The following TAF12 variants were observed in gnomAD, a reference collection of about 807,000 sequenced individuals.
TAF12 encodes TATA-box binding protein associated factor 12.
A neutral mutation model predicts 20.8 loss-of-function variants in TAF12; 3 were observed. The ratio of observed to expected loss-of-function variants is 0.14; its 90% CI spans 0.07 to 0.37. TAF12 has a LOEUF of 0.37. TAF12 is among the 10% of genes least tolerant of loss of function. The pLI is 1.00. For missense variants in TAF12, 131 were observed against 197.9 expected (o/e 0.66, Z 2.03); for synonymous variants, 69 against 70.2 (o/e 0.98, Z 0.09).
At chr1:28,624,058 C>T in intron 1 of TAF12, 1 of 974,816 alleles carries the variant, frequency 1.0e-6, no homozygotes, top group Non-Finnish European at 1.2e-6. Flanking sequence ...GCATCAAGCA[C>T]CATCCTTGCC....
chr1:28,628,688 TGAG>T (rs927436446), intron 1 of TAF12, among the ~76,000 whole-genome samples: 7 of 149,950 alleles, frequency 4.7e-5, no homozygotes, highest in Non-Finnish European at 8.9e-5. Flanking sequence ...AAAAAAAAAA[TGAG>T]GAGGCTCACG....
intron 1 of TAF12, among the ~76,000 whole-genome samples, chr1:28,623,312 A>G (rs1299169440): frequency 2.0e-5 from 3 of 152,076 alleles, no homozygotes; most frequent in Non-Finnish European, 4.4e-5. Context: ...ACCTGAGGTC[A>G]GGAGTTTGAG....
In TAF12 at chr1:28,606,291, C is replaced by CT. The variant is rs543976145; in HGVS notation, c.362-832dup. ...GGATTACAGGCGTGAGACATCGCAC[C>CT]TGGCCTCAGCTAATTTTTTGTATTT... On this transcript the variant is annotated intron_variant, in intron 4 of 5. Coordinates refer to ENST00000373824, the MANE Select transcript of TAF12 (RefSeq NM_005644.4). Among the ~76,000 whole-genome samples the CT allele has an allele frequency of 3.7e-3, 557 of 152,252 alleles. 6 individuals carry two copies. Among genetic ancestry groups the CT allele is most frequent in the African/African-American group, 0.013 (533 of 41,546 alleles).
At chr1:28,608,950 A>G (rs558674274) in intron 4 of TAF12, among the ~76,000 whole-genome samples, 1 of 152,266 alleles carries the variant, frequency 6.6e-6, no homozygotes, top group East Asian at 1.9e-4. Flanking sequence ...TCAAAAATAA[A>G]TAAAGAAAGA....
upstream of TAF12, among the ~76,000 whole-genome samples, chr1:28,647,827 T>C (rs1339307547): frequency 6.6e-6 from 1 of 151,644 alleles, no homozygotes; most frequent in Non-Finnish European, 1.5e-5. Flanking sequence ...TGAGCCGATA[T>C]CGCGCCACTG....
chr1:28,608,212 G>A (rs1018911363), intron 4 of TAF12, among the ~76,000 whole-genome samples: 2 of 151,424 alleles, frequency 1.3e-5, no homozygotes, highest in Admixed American at 1.3e-4. Flanking sequence ...GGGTGTGGTG[G>A]CGGGCGCCTG....
Position 28,613,287 on chromosome 1 carries a change from C to T in TAF12, c.321G>A (p.Lys107=), listed in dbSNP as rs1557459798. 9.3e-6 allele frequency: 15 copies of T among 1,612,318 alleles called. No homozygotes were observed. The highest frequency in any genetic ancestry group is 1.3e-5 in the Non-Finnish European group (15 of 1,179,416). ...CATCTTTCACCTCCAGGGTGCTAGA[C>T]TTGCGATGCCGCGCAAGCTGACAGG... ...TAACQLARHR[K]SSTLEVKDVQ... Residue 107 remains lysine, a synonymous_variant, in exon 4 of 6, where the codon AAG becomes AAA. Coordinates refer to ENST00000373824, the MANE Select transcript of TAF12 (RefSeq NM_005644.4).
chr1:28,618,880 A>AT (rs1303706834), intron 2 of TAF12, among the ~76,000 whole-genome samples: 1 of 152,094 alleles, frequency 6.6e-6, no homozygotes, highest in Non-Finnish European at 1.5e-5. Context: ...TACGTATGCC[A>AT]TTAAAAAGTA....
chr1:28,637,535 C>T (rs531992752), intron 1 of TAF12, among the ~76,000 whole-genome samples: 5 of 151,820 alleles, frequency 3.3e-5, no homozygotes, highest in Admixed American at 6.6e-5. Flanking sequence ...CATTGTGGCG[C>T]GCGCTTATAG....
In TAF12 at chr1:28,618,339, A is replaced by G. The variant is rs60942927; in HGVS notation, c.169-309T>C. 2.9e-3 allele frequency among the ~76,000 whole-genome samples: 446 copies of G among 152,220 alleles called. 2 individuals are homozygous for G. Among genetic ancestry groups the G allele is most frequent in the African/African-American group, 0.01 (436 of 41,540 alleles). Reference sequence around the variant, plus strand: ...AAATTTGCAATTCTCTGACCACCACAAATTGTACCATGCCCCTTGCCTTTA... The same window carrying G: ...AAATTTGCAATTCTCTGACCACCACGAATTGTACCATGCCCCTTGCCTTTA... On this transcript the variant is annotated intron_variant, in intron 2 of 5. Coordinates refer to ENST00000373824, the MANE Select transcript of TAF12 (RefSeq NM_005644.4).
At position 28,628,268 on chromosome 1, in the gene TAF12, G is replaced by A. The variant is rs534408657; in HGVS notation, c.-84-6103C>T. 1.7e-3 allele frequency among the ~76,000 whole-genome samples: 198 copies of A among 114,974 alleles called. 1 individual carries two copies. The highest frequency in any genetic ancestry group is 6.0e-3 in the African/African-American group (194 of 32,266). 75.4% of individuals were successfully genotyped at this position (114,974 alleles called of 152,430 possible). ...CGCCTGTAATCCCTTGGGAGGCCAA[G>A]GCATGAGAATGGCTTGAACCCAGGA... On this transcript the variant is annotated intron_variant, in intron 1 of 5. Transcript: ENST00000373824.
chr1:28,632,035 T>A (rs1316847250), intron 1 of TAF12, among the ~76,000 whole-genome samples: 1 of 152,192 alleles, frequency 6.6e-6, no homozygotes, highest in African/African-American at 2.4e-5. Context: ...TGTTCATAAA[T>A]ATTTATAGCA....
intron 1 of TAF12, chr1:28,623,893 G>A (rs1156619860): frequency 5.4e-6 from 5 of 921,666 alleles, no homozygotes; most frequent in East Asian, 1.2e-4. Flanking sequence ...GTGTCATCAC[G>A]ATCAGAAGCA....
At chr1:28,639,330 C>T (rs1464385816) in intron 1 of TAF12, among the ~76,000 whole-genome samples, 1 of 148,794 alleles carries the variant, frequency 6.7e-6, no homozygotes, top group East Asian at 2.0e-4. Flanking sequence ...GCAGGAGAAT[C>T]GCTTGAACCC....
intron 3 of TAF12, among the ~76,000 whole-genome samples, chr1:28,616,838 G>A (rs1051556253): frequency 6.6e-6 from 1 of 151,792 alleles, no homozygotes; most frequent in Non-Finnish European, 1.5e-5. Flanking sequence ...TTATAAAATT[G>A]GCCAGGCACG....
chr1:28,603,147 T>C lies in TAF12; in HGVS notation c.*392A>G, dbSNP rs1409852128. On this transcript the variant is annotated 3_prime_UTR_variant, in exon 6 of 6. Transcript: ENST00000373824. ...GAAAAGCAAATGAAAGTCATATTCA[T>C]ATAAACACTGACATTACAAAGTACA... is the stretch of plus-strand genomic sequence containing the variant. 1 of 175,694 alleles carries C rather than the reference T, an allele frequency of 5.7e-6. No homozygotes were observed. The highest frequency in any genetic ancestry group is 1.2e-5 in the Non-Finnish European group (1 of 83,046). 10.9% of individuals were successfully genotyped at this position (175,694 alleles called of 1,614,324 possible). A position where few individuals can be genotyped will look rare whatever the true frequency, so the allele number is the denominator to read the frequency against.
intron 1 of TAF12, among the ~76,000 whole-genome samples, chr1:28,640,172 T>C (rs898738782): frequency 2.6e-5 from 4 of 152,186 alleles, no homozygotes; most frequent in Admixed American, 6.6e-5. Flanking sequence ...CTCCTAAATC[T>C]AAAATTAAAT....
upstream of TAF12, among the ~76,000 whole-genome samples, chr1:28,645,331 G>A (rs527864654): frequency 2.7e-5 from 4 of 148,994 alleles, no homozygotes; most frequent in Admixed American, 6.7e-5. Flanking sequence ...CACTGCGCCC[G>A]GCCTCTTCTT....
At chr1:28,613,159 G>A (rs1160685239) in intron 4 of TAF12, 88 bp downstream of exon 4, 6 of 1,078,524 alleles carry the variant, frequency 5.6e-6, no homozygotes, top group Non-Finnish European at 7.8e-6. Context: ...GTCTGGTTCT[G>A]GCATGAAGGT....
Sources: gnomAD v4.1 joint callset for allele counts (sites outside exome capture counted in the v4.1 genomes callset) on GRCh38, gnomAD v4.1.1 for gene constraint, MANE v1.5 for transcripts, NCBI Gene and HGNC (gene_info 2026-07-23, HGNC 2026-07-21) for gene names.